TRABD2B: variants seen among roughly 807,000 people sequenced by gnomAD.
The protein encoded by TRABD2B is TraB domain containing 2B.
Under a neutral mutation model 40.1 loss-of-function variants are expected in TRABD2B, and 14 were observed. The observed-to-expected ratio is 0.35, with a 90% CI of 0.23 to 0.55. The LOEUF is 0.55. Ranked by LOEUF, TRABD2B falls within the 20% of genes least tolerant of loss-of-function variation. The pLI is 0.90. For missense variants in TRABD2B, 541 were observed against 648.6 expected, an observed-to-expected ratio of 0.83 and a Z score of 1.80; for synonymous variants, 263 against 277.0, an observed-to-expected ratio of 0.95 and a Z score of 0.50.
chr1:47,858,404 T>C (rs1643920275), intron 2 of TRABD2B, among the ~76,000 whole-genome samples: 1 of 152,084 alleles, frequency 6.6e-6, no homozygotes, highest in Admixed American at 6.5e-5. Context: ...ACTACAGGCA[T>C]GTGCCACCAT....
At chr1:47,983,072 T>G (rs570494582) in intron 2 of TRABD2B, among the ~76,000 whole-genome samples, 257 of 152,264 alleles carry the variant, frequency 1.7e-3, no homozygotes, top group African/African-American at 5.8e-3. Flanking sequence ...AGCAAAGACA[T>G]GGAATCAACC....
intron 4 of TRABD2B, among the ~76,000 whole-genome samples, chr1:47,782,833 A>G (rs1006983451): frequency 3.9e-5 from 6 of 152,216 alleles, no homozygotes; most frequent in Non-Finnish European, 5.9e-5. Flanking sequence ...AAAGTCATGG[A>G]AAGTCTCCAA....
chr1:47,923,695 A>T (rs1332237054), intron 2 of TRABD2B, among the ~76,000 whole-genome samples: 1 of 152,142 alleles, frequency 6.6e-6, no homozygotes, highest in Non-Finnish European at 1.5e-5. Context: ...TTACTTCTAT[A>T]ACGTGGGTGG....
intron 2 of TRABD2B, among the ~76,000 whole-genome samples, chr1:47,812,934 G>A (rs866131745): frequency 1.3e-5 from 2 of 152,268 alleles, no homozygotes; most frequent in Middle Eastern, 3.4e-3. Context: ...CACCTGTGGA[G>A]GCTGGAATGG....
intron 2 of TRABD2B, among the ~76,000 whole-genome samples, chr1:47,980,998 C>T (rs564852396): frequency 1.3e-5 from 2 of 152,084 alleles, no homozygotes; most frequent in Admixed American, 6.5e-5. Context: ...GGGTCACATT[C>T]CCTCTTTTCT....
chr1:47,892,812 G>A (rs559844081), intron 2 of TRABD2B, among the ~76,000 whole-genome samples: 8 of 151,968 alleles, frequency 5.3e-5, no homozygotes, highest in South Asian at 2.1e-4. Flanking sequence ...AGCCATCATC[G>A]GAATTCAGGT....
intron 3 of TRABD2B, chr1:47,795,582 G>A (rs7554929): frequency 0.37 from 348,398 of 930,736 alleles, 66,338 homozygotes; most frequent in Non-Finnish European, 0.39. Context: ...TAACTTTTCC[G>A]AGTCCCAGCT....
At chr1:47,902,928 G>A (rs984537728) in intron 2 of TRABD2B, among the ~76,000 whole-genome samples, 1 of 152,166 alleles carries the variant, frequency 6.6e-6, no homozygotes, top group East Asian at 1.9e-4. Flanking sequence ...TGACAGCACA[G>A]GTCTAGTCAT....
intron 2 of TRABD2B, among the ~76,000 whole-genome samples, chr1:47,850,160 C>T (rs1182813788): frequency 6.6e-6 from 1 of 152,242 alleles, no homozygotes; most frequent in Admixed American, 6.5e-5. Flanking sequence ...GGAGCTTTCC[C>T]CTAGTCACAA....
At chr1:47,882,952 C>T (rs1223699595) in intron 2 of TRABD2B, among the ~76,000 whole-genome samples, 3 of 152,100 alleles carry the variant, frequency 2.0e-5, no homozygotes, top group Non-Finnish European at 4.4e-5. Flanking sequence ...CGGCAGGTCT[C>T]GCAGTACCAT....
intron 2 of TRABD2B, among the ~76,000 whole-genome samples, chr1:47,872,867 C>T (rs1644165083): frequency 6.6e-6 from 1 of 152,104 alleles, no homozygotes; most frequent in African/African-American, 2.4e-5. Flanking sequence ...GCCTGACAGA[C>T]AATGATGTCT....
chr1:47,888,154 A>G (rs1479775970), intron 2 of TRABD2B, among the ~76,000 whole-genome samples: 1 of 152,176 alleles, frequency 6.6e-6, no homozygotes, highest in Non-Finnish European at 1.5e-5. Flanking sequence ...GTCTTCCAGG[A>G]GCATCTGCTT....
At chr1:47,784,924 G>A (rs1557564742) in intron 4 of TRABD2B, among the ~76,000 whole-genome samples, 2 of 152,200 alleles carry the variant, frequency 1.3e-5, no homozygotes, top group South Asian at 2.1e-4. Flanking sequence ...GGGGAGATGG[G>A]CAGGCAAACA....
At chr1:47,814,317 C>T (rs1303644728) in intron 2 of TRABD2B, among the ~76,000 whole-genome samples, 1 of 152,182 alleles carries the variant, frequency 6.6e-6, no homozygotes, top group African/African-American at 2.4e-5. Context: ...TGGGATGCCA[C>T]TGAATTTATT....
At position 47,968,036 on chromosome 1, in the gene TRABD2B, C is replaced by T. The variant is rs185395773; in HGVS notation, c.666+25998G>A. ...AGGGAAGATGAGACTGATTGTAATG[C>T]ATAATGCAATGATGAGCATGTGGTG... On this transcript the variant is annotated intron_variant, in intron 2 of 6. Coordinates refer to ENST00000606738, the MANE Select transcript of TRABD2B (RefSeq NM_001194986.2). 2.0e-4 allele frequency among the ~76,000 whole-genome samples: 30 copies of T among 152,348 alleles called. No individual in the cohort carries two copies. The East Asian group carries it at 5.6e-3, about 28-fold the overall frequency.
chr1:47,886,863 T>C (rs897832045), intron 2 of TRABD2B, among the ~76,000 whole-genome samples: 3 of 152,204 alleles, frequency 2.0e-5, no homozygotes, highest in African/African-American at 7.2e-5. Flanking sequence ...ATTTCATCTC[T>C]GACAGGTTTC....
rs1430010859 is a variant in TRABD2B, at chr1:47,997,361, C to T, written c.-572G>A. The T allele has an allele frequency of 1.5e-5, 4 of 265,924 alleles. No individual in the cohort carries two copies. In the Admixed American group the frequency reaches 2.1e-4, roughly 14 times the overall value. 16.5% of individuals were successfully genotyped at this position (265,924 alleles called of 1,614,324 possible). On this transcript the variant is annotated 5_prime_UTR_variant, in exon 1 of 7. Coordinates refer to ENST00000606738, the MANE Select transcript of TRABD2B (RefSeq NM_001194986.2). ...GCTGCCCGGGCTCCGCCATGCTGCT[C>T]CGCGGCCGGGAGGGAGGGAGAGAGG...
Position 47,996,722 on chromosome 1 carries a change from G to A in TRABD2B, c.68C>T (p.Pro23Leu). The change falls in exon 1 of 7, where the codon CCC becomes CTC. Residue 23 changes from proline (P) to leucine (L), a missense_variant. Pro to Leu is a moderately conservative substitution (Grantham distance 98, BLOSUM62 -3). Around this residue, in one of 2 missense-constraint regions of TRABD2B, gnomAD observed 369 missense variants for 492.8 expected, o/e 0.75. Transcript: ENST00000606738. This position sits in a 1 kb window ranked among gnomAD's most constrained non-coding sequence, Gnocchi z 4.6. ...LLATARARPQ[P>L]PDGGQCRPPG... ...CGGCCGGCACTGTCCTCCGTCCGGGGGCTGCGGGCGGGCGCGAGCGGTGGC... is the reference window on the plus strand; with the variant it reads ...CGGCCGGCACTGTCCTCCGTCCGGGAGCTGCGGGCGGGCGCGAGCGGTGGC... 1 of 1,228,212 alleles carries A rather than the reference G, an allele frequency of 8.1e-7. No homozygotes were observed. The highest frequency in any genetic ancestry group is 1.0e-6 in the Non-Finnish European group (1 of 984,758). The allele number at this position is 1,228,212 out of a possible 1,614,324, so 76.1% of individuals were successfully genotyped here. A position where few individuals can be genotyped will look rare whatever the true frequency, so the allele number is the denominator to read the frequency against.
intron 2 of TRABD2B, among the ~76,000 whole-genome samples, chr1:47,986,232 G>A (rs1420904095): frequency 6.6e-6 from 1 of 152,116 alleles, no homozygotes; most frequent in Admixed American, 6.5e-5. Flanking sequence ...AGGGACCCAT[G>A]AATGTTACAA....
Sources: gnomAD v4.1 joint callset for allele counts (sites outside exome capture counted in the v4.1 genomes callset) on GRCh38, gnomAD v4.1.1 for gene constraint, gnomAD v4.1.1 regional missense constraint, Gnocchi (gnomAD v3.1) non-coding constraint, MANE v1.5 for transcripts, NCBI Gene and HGNC (gene_info 2026-07-23, HGNC 2026-07-21) for gene names.